The following ACADM variants were observed in gnomAD, a reference collection of about 807,000 sequenced individuals.
ACADM encodes medium-chain specific acyl-CoA dehydrogenase, mitochondrial.
A neutral mutation model predicts 58.9 loss-of-function variants in ACADM; 49 were observed. The observed-to-expected ratio is 0.83, with a 90% CI of 0.66 to 1.06. The LOEUF (loss-of-function observed/expected upper bound fraction) is 1.06. Among genes scored for constraint, ACADM ranks in the 50% least tolerant of loss-of-function variants. ACADM has a pLI of 0.00. For synonymous variants in ACADM, 160 were observed against 157.7 expected (o/e 1.01, Z -0.11); for missense variants, 496 against 507.0 (o/e 0.98, Z 0.21).
intron 7 of ACADM, among the ~76,000 whole-genome samples, chr1:75,741,635 T>C (rs752257001): frequency 2.0e-5 from 3 of 152,122 alleles, no homozygotes; most frequent in Non-Finnish European, 2.9e-5. Flanking sequence ...ATTACAACTG[T>C]TCACTGTTCA....
At chr1:75,759,656 CTTTTTTTTTTTTT>C (rs34394777) in intron 10 of ACADM, among the ~76,000 whole-genome samples, 3 of 87,582 alleles carry the variant, frequency 3.4e-5, no homozygotes, top group East Asian at 8.3e-4. Flanking sequence ...TAGCAACTTT[CTTTTTTTTTTTTT>C]TTTTTTTTTG....
chr1:75,756,827 AACCAAAACAGCATGGTACTGGT>A (rs1648533923), intron 10 of ACADM, among the ~76,000 whole-genome samples: 2 of 152,236 alleles, frequency 1.3e-5, no homozygotes, highest in South Asian at 4.1e-4. Context: ...AGGCTACAGT[AACCAAAACAGCATGGTACTGGT>A]ACCAAAACAG....
intron 10 of ACADM, among the ~76,000 whole-genome samples, chr1:75,760,803 C>A (rs1438943865): frequency 1.3e-5 from 2 of 152,054 alleles, no homozygotes; most frequent in Non-Finnish European, 2.9e-5. Context: ...AATACTATAC[C>A]AGTGTTAATG....
At chr1:75,744,251 G>A (rs190664267) in intron 7 of ACADM, 10 of 1,605,018 alleles carry the variant, frequency 6.2e-6, no homozygotes, top group African/African-American at 4.0e-5. Flanking sequence ...GGTGCTGCAT[G>A]GGGAGGAACT....
intron 10 of ACADM, among the ~76,000 whole-genome samples, chr1:75,751,764 G>A (rs1005651036): frequency 1.3e-5 from 2 of 152,036 alleles, no homozygotes; most frequent in African/African-American, 4.8e-5. Flanking sequence ...CTCCCAAAGT[G>A]CTAGGATTAC....
chr1:75,760,461 G>C lies in ACADM; in HGVS notation c.946-661G>C, dbSNP rs186345636. The stretch of plus-strand genomic sequence containing the variant: ...AAAAGTCCCAGCTACTTTGGGGGCT[G>C]AGGCGGGAGGGTCGTTGAGGCTGCA... On this transcript the variant is annotated intron_variant, in intron 10 of 11. Coordinates refer to ENST00000370841, the MANE Select transcript of ACADM (RefSeq NM_000016.6). Among the ~76,000 whole-genome samples, 3 of 144,942 alleles carry C rather than the reference G, an allele frequency of 2.1e-5. No individual in the cohort carries two copies. The Admixed American group carries it at 2.1e-4, about 10-fold the overall frequency.
chr1:75,743,612 G>C, intron 7 of ACADM: 1 of 1,556,850 alleles, frequency 6.4e-7, no homozygotes, highest in Non-Finnish European at 8.9e-7. Context: ...ATGGCAGACA[G>C]GGGGGTTGAT....
chr1:75,744,481 T>C, intron 7 of ACADM: 1 of 1,533,672 alleles, frequency 6.5e-7, no homozygotes, highest in South Asian at 1.1e-5. Flanking sequence ...CACTTCATCT[T>C]CTGCAACTGT....
At chr1:75,735,211 G>T (rs1461185451) in intron 6 of ACADM, among the ~76,000 whole-genome samples, 1 of 151,348 alleles carries the variant, frequency 6.6e-6, no homozygotes, top group East Asian at 1.9e-4. Context: ...AGCTGCTCAG[G>T]AGGCTGAGGC....
At position 75,732,709 on chromosome 1, in the gene ACADM, C is replaced by T; in HGVS notation, c.184C>T (p.Pro62Ser). Residue 62 changes from proline to serine, a missense_variant, in exon 3 of 12, where the codon CCA becomes TCA. Coordinates refer to ENST00000370841, the MANE Select transcript of ACADM (RefSeq NM_000016.6). ...ARKFAREEIIPVAAEYDKTGE... is the reference protein window; with the variant it reads ...ARKFAREEIISVAAEYDKTGE... ...TAAATTTGCCAGAGAGGAAATCATC[C>T]CAGTGGCTGCAGAATATGATAAAAC... is the stretch of plus-strand genomic sequence containing the variant. The T allele has an allele frequency of 1.2e-6, 2 of 1,613,910 alleles. No individual in the cohort carries two copies. Among genetic ancestry groups the T allele is most frequent in the Non-Finnish European group, 1.7e-6 (2 of 1,179,884 alleles).
intron 2 of ACADM, among the ~76,000 whole-genome samples, chr1:75,730,671 C>A (rs891936847): frequency 4.6e-5 from 7 of 151,882 alleles, no homozygotes; most frequent in Non-Finnish European, 1.0e-4. Context: ...TCCATGTCAA[C>A]CACACCTAGC....
chr1:75,744,444 T>A (rs1451863063), intron 7 of ACADM: 1 of 1,521,122 alleles, frequency 6.6e-7, no homozygotes, highest in Non-Finnish European at 9.1e-7. Context: ...CCTGCACCAA[T>A]GTCTTGTCAG....
intron 10 of ACADM, among the ~76,000 whole-genome samples, chr1:75,754,451 C>A (rs1648384734): frequency 6.6e-6 from 1 of 152,050 alleles, no homozygotes; most frequent in Admixed American, 6.6e-5. Flanking sequence ...ACCTTGTGAT[C>A]CACCCACCTT....
Position 75,750,448 on chromosome 1 carries a change from T to C in ACADM, c.850-3T>C, listed in dbSNP as rs1198974435. The C allele has an allele frequency of 1.2e-6, 2 of 1,606,644 alleles. No homozygotes were observed. Among genetic ancestry groups the C allele is most frequent in the Admixed American group, 1.7e-5 (1 of 59,526 alleles). On this transcript the variant is annotated splice_region_variant and splice_polypyrimidine_tract_variant and intron_variant, in intron 9 of 11. Coordinates refer to ENST00000370841, the MANE Select transcript of ACADM (RefSeq NM_000016.6). ...TTTGCTTTATAATATCTTAAAATAC[T>C]AGGTAGCTGCTGGTGCTGTTGGATT...
In ACADM at chr1:75,749,992, T is replaced by C. The variant is rs1408208435; in HGVS notation, c.849+433T>C. ...TCCCAAAGTGCTGGGATTACAGGCGTGAGCCACCGCGCCTGACCATATTGT... is the reference window on the plus strand; with the variant it reads ...TCCCAAAGTGCTGGGATTACAGGCGCGAGCCACCGCGCCTGACCATATTGT... On this transcript the variant is annotated intron_variant, in intron 9 of 11. Transcript: ENST00000370841. Among the ~76,000 whole-genome samples the C allele has an allele frequency of 2.0e-5, 3 of 152,168 alleles. No individual in the cohort carries two copies. The South Asian group carries it at 6.2e-4, about 32-fold the overall frequency.
At chr1:75,750,872 C>A in intron 10 of ACADM, 1 of 385,858 alleles carries the variant, frequency 2.6e-6, no homozygotes, top group South Asian at 2.2e-5. Flanking sequence ...CCTCAGCCTC[C>A]CAAGTAGTGG....
rs2100453483 is a variant in ACADM at position 75,761,277 on chromosome 1, G to A, written c.1101G>A (p.Gln367=). The A allele has an allele frequency of 6.2e-7, 1 of 1,614,040 alleles. No individual in the cohort carries two copies. The highest frequency in any genetic ancestry group is 1.3e-5 in the African/African-American group (1 of 75,018). ...CATTTGCTGGAGATATTGCAAATCA[G>A]TTAGCTACTGATGCTGTGCAGATAC... is the stretch of plus-strand genomic sequence containing the variant. ...AKAFAGDIAN[Q]LATDAVQILG... is the part of the protein sequence containing the mutation. Residue 367 remains glutamine (Q), a synonymous_variant, in exon 11 of 12, where the codon CAG becomes CAA. Transcript: ENST00000370841.
At chr1:75,742,255 G>C (rs1283633065) in intron 7 of ACADM, among the ~76,000 whole-genome samples, 1 of 151,682 alleles carries the variant, frequency 6.6e-6, no homozygotes, top group African/African-American at 2.4e-5. Flanking sequence ...GATGCAGTTG[G>C]ATACAAAGCC....
chr1:75,760,005 A>G (rs1156731808), intron 10 of ACADM, among the ~76,000 whole-genome samples: 2 of 151,830 alleles, frequency 1.3e-5, no homozygotes, highest in East Asian at 3.9e-4. Flanking sequence ...GGTATGGTGA[A>G]TCACACCTGT....
Sources: allele counts gnomAD v4.1 joint callset (sites outside exome capture counted in the v4.1 genomes callset), GRCh38; gene constraint gnomAD v4.1.1; transcripts MANE v1.5; gene names NCBI Gene and HGNC (gene_info 2026-07-23, HGNC 2026-07-21).